PEPD: variants seen among roughly 807,000 people sequenced by gnomAD.
PEPD encodes peptidase D.
A neutral mutation model predicts 60.7 loss-of-function variants in PEPD; 53 were observed. That is an observed-to-expected ratio of 0.87 (90% CI 0.70 to 1.10). The LOEUF is 1.10. PEPD is among the 50% of genes least tolerant of loss of function. The pLI, the probability that PEPD is intolerant of heterozygous loss-of-function variation, is 0.00. For missense variants in PEPD, 711 were observed against 711.9 expected (o/e 1.00, Z 0.01); for synonymous variants, 267 against 284.1 (o/e 0.94, Z 0.60).
At position 33,387,938 on chromosome 19, in the gene PEPD, G is replaced by A; in HGVS notation, c.1296C>T (p.Ala432=). The change falls in exon 14 of 15, where the codon GCC becomes GCT. Residue 432 remains alanine (A), a synonymous_variant. Coordinates refer to ENST00000244137, the MANE Select transcript of PEPD (RefSeq NM_000285.4). Reference sequence around the variant, plus strand: ...GCAGGACCTCGCGGTTAAGGAAGGAGGCGCGGGCCGGGTCCGCCAGGGCCT... The same window carrying A: ...GCAGGACCTCGCGGTTAAGGAAGGAAGCGCGGGCCGGGTCCGCCAGGGCCT... ...LDEALADPAR[A]SFLNREVLQR... The A allele has an allele frequency of 6.3e-7, 1 of 1,597,132 alleles. No individual in the cohort carries two copies. Among genetic ancestry groups the A allele is most frequent in the Non-Finnish European group, 8.5e-7 (1 of 1,172,618 alleles).
In PEPD at chr19:33,508,029, C is replaced by T. The variant is rs191501784; in HGVS notation, c.329+2999G>A. Reference sequence around the variant, plus strand: ...ACACAGCCTTTTCCAACAGGGGAGACCCCTGTTGGAAACCCCTGGAAACCC... The same window carrying T: ...ACACAGCCTTTTCCAACAGGGGAGATCCCTGTTGGAAACCCCTGGAAACCC... On this transcript the variant is annotated intron_variant, in intron 3 of 14. Coordinates refer to ENST00000244137, the MANE Select transcript of PEPD (RefSeq NM_000285.4). Among the ~76,000 whole-genome samples, 17 of 152,140 alleles carry T rather than the reference C, an allele frequency of 1.1e-4. No individual in the cohort carries two copies. The East Asian group carries it at 2.3e-3, about 21-fold the overall frequency.
At chr19:33,497,407 G>A (rs1021127030) in intron 4 of PEPD, among the ~76,000 whole-genome samples, 6 of 152,250 alleles carry the variant, frequency 3.9e-5, no homozygotes, top group African/African-American at 1.2e-4. Context: ...GGGCCTTCAC[G>A]GCAGAGCCTC....
intron 1 of PEPD, 64 bp downstream of exon 1, chr19:33,521,680 C>G (rs1227525097): frequency 2.6e-6 from 4 of 1,522,362 alleles, no homozygotes; most frequent in Non-Finnish European, 3.6e-6. Context: ...ACCCGCGGTC[C>G]GGCCGGGACA....
At position 33,510,981 on chromosome 19, in the gene PEPD, C is replaced by T. The variant is rs1970915302; in HGVS notation, c.329+47G>A. The T allele has an allele frequency of 8.1e-6, 13 of 1,595,318 alleles. No individual in the cohort carries two copies. The East Asian group carries it at 2.7e-4, about 34-fold the overall frequency. Reference sequence around the variant, plus strand: ...TCATCCCACCTCCCCTACCCACCCCCAGCCCATGGTTGGTAGCCATGGTGC... The same window carrying T: ...TCATCCCACCTCCCCTACCCACCCCTAGCCCATGGTTGGTAGCCATGGTGC... On this transcript the variant is annotated intron_variant, in intron 3 of 14. Transcript: ENST00000244137.
chr19:33,486,743 T>C (rs538755065), intron 6 of PEPD, among the ~76,000 whole-genome samples: 3 of 152,170 alleles, frequency 2.0e-5, no homozygotes, highest in Non-Finnish European at 4.4e-5. Context: ...TAGCCACACC[T>C]GGAGGGGTCC....
chr19:33,461,839 G>C (rs916572682), intron 9 of PEPD, among the ~76,000 whole-genome samples: 1 of 152,156 alleles, frequency 6.6e-6, no homozygotes, highest in South Asian at 2.1e-4. Flanking sequence ...CAGCCTCCCC[G>C]GCTGACGGAG....
rs562500631 is a variant in PEPD, at chr19:33,441,191, C to T, written c.671+21804G>A. Among the ~76,000 whole-genome samples the T allele has an allele frequency of 9.2e-5, 14 of 152,352 alleles. No homozygotes were observed. The East Asian group carries it at 2.1e-3, about 23-fold the overall frequency. On this transcript the variant is annotated intron_variant, in intron 9 of 14. Coordinates refer to ENST00000244137, the MANE Select transcript of PEPD (RefSeq NM_000285.4). ...TACTATCTCCACCAAGCCCAGGGAG[C>T]TCAGCCCTGGCTCTCCAAGGCCTCC... is the stretch of plus-strand genomic sequence containing the variant.
chr19:33,401,738 A>C lies in PEPD; in HGVS notation c.950T>G (p.Met317Arg). 1.2e-6 allele frequency: 2 copies of C among 1,608,666 alleles called. No homozygotes were observed. The highest frequency in any genetic ancestry group is 1.3e-5 in the African/African-American group (1 of 74,892). The part of the protein sequence containing the change: ...EAVLRSSRAV[M>R]GAMKPGVWWP... Reference sequence around the variant, plus strand: ...CTGCTCACCTGGCTTCATGGCACCCATGACGGCACGGGAGCTCCGCAGCAC... The same window carrying C: ...CTGCTCACCTGGCTTCATGGCACCCCTGACGGCACGGGAGCTCCGCAGCAC... Residue 317 changes from methionine to arginine, a missense_variant, in exon 12 of 15, where the codon ATG (methionine) becomes AGG (arginine). By Grantham distance (91) the Met-to-Arg change is moderately conservative. Transcript: ENST00000244137.
At chr19:33,403,885 A>G (rs944476016) in intron 11 of PEPD, among the ~76,000 whole-genome samples, 1 of 152,216 alleles carries the variant, frequency 6.6e-6, no homozygotes, top group Non-Finnish European at 1.5e-5. Flanking sequence ...GGTGGGTCAG[A>G]GTCACAGGAT....
intron 8 of PEPD, among the ~76,000 whole-genome samples, chr19:33,463,309 A>G (rs1322280431): frequency 6.6e-6 from 1 of 152,254 alleles, no homozygotes; most frequent in Non-Finnish European, 1.5e-5. Context: ...GGCCACCAGC[A>G]GCCCGAGGAC....
intron 9 of PEPD, among the ~76,000 whole-genome samples, chr19:33,422,688 C>A (rs903715524): frequency 2.6e-5 from 4 of 151,720 alleles, no homozygotes; most frequent in African/African-American, 9.7e-5. Context: ...ACCCATCCAT[C>A]CATTCCATCT....
chr19:33,501,050 C>A, intron 3 of PEPD, 49 bp from the exon 4 acceptor site: 1 of 1,106,064 alleles, frequency 9.0e-7, no homozygotes, highest in South Asian at 1.2e-5. Flanking sequence ...GGTAATGGCT[C>A]AGCATGGCCA....
intron 9 of PEPD, among the ~76,000 whole-genome samples, chr19:33,459,963 C>G (rs1043303645): frequency 2.2e-4 from 34 of 152,194 alleles, no homozygotes; most frequent in African/African-American, 8.0e-4. Context: ...GCTGTCAACA[C>G]ATATAGAAGA....
intron 6 of PEPD, among the ~76,000 whole-genome samples, chr19:33,480,936 A>G (rs939972931): frequency 7.9e-5 from 12 of 152,162 alleles, no homozygotes; most frequent in African/African-American, 2.7e-4. Context: ...TCCAGGATAC[A>G]CTTTATGTTA....
chr19:33,504,925 C>T (rs1447998968), intron 3 of PEPD, among the ~76,000 whole-genome samples: 1 of 152,134 alleles, frequency 6.6e-6, no homozygotes, highest in Non-Finnish European at 1.5e-5. Flanking sequence ...GGGTCAGCAT[C>T]CAGGGACCCC....
chr19:33,491,474 T>A (rs1212884578), intron 5 of PEPD, among the ~76,000 whole-genome samples: 1 of 152,188 alleles, frequency 6.6e-6, no homozygotes, highest in Non-Finnish European at 1.5e-5. Context: ...TTCAGTGCCA[T>A]AAAGAAATAG....
chr19:33,521,730 G>A lies in PEPD; in HGVS notation c.17+14C>T, dbSNP rs745537147. On this transcript the variant is annotated intron_variant, in intron 1 of 14. Transcript: ENST00000244137. ...CACGCCAGCGGGAAAGAGCGAGGGA[G>A]GCGCAGCACTCACCCGGTGGCCGCC... 6 of 1,580,528 alleles carry A rather than the reference G, an allele frequency of 3.8e-6. No individual in the cohort carries two copies. Among genetic ancestry groups the A allele is most frequent in the Admixed American group, 1.7e-5 (1 of 57,500 alleles).
chr19:33,504,175 T>C (rs1970759552), intron 3 of PEPD, among the ~76,000 whole-genome samples: 1 of 152,234 alleles, frequency 6.6e-6, no homozygotes, highest in Non-Finnish European at 1.5e-5. Context: ...GTAAAAACCA[T>C]TTAAACGTCA....
intron 9 of PEPD, among the ~76,000 whole-genome samples, chr19:33,450,248 C>T (rs1158071342): frequency 6.6e-6 from 1 of 152,248 alleles, no homozygotes; most frequent in East Asian, 1.9e-4. Flanking sequence ...GGCTTGTGCC[C>T]CTTCCCAAGG....
Sources: allele counts gnomAD v4.1 joint callset (sites outside exome capture counted in the v4.1 genomes callset), GRCh38; gene constraint gnomAD v4.1.1; transcripts MANE v1.5; gene names NCBI Gene and HGNC (gene_info 2026-07-23, HGNC 2026-07-21).